CYP3A7: variants seen among roughly 807,000 people sequenced by gnomAD.
The protein encoded by CYP3A7 is cytochrome P450 family 3 subfamily A member 7, also known as cytochrome P450 3A7.
Under a neutral mutation model 55.2 loss-of-function variants are expected in CYP3A7, and 45 were observed. That is an observed-to-expected ratio of 0.82 (90% CI 0.64 to 1.05). The LOEUF is 1.05. Ranked by LOEUF, CYP3A7 falls within the 50% of genes least tolerant of loss-of-function variation. The pLI is 0.00. For synonymous variants in CYP3A7, 180 were observed against 207.4 expected (o/e 0.87, Z 1.13); for missense variants, 548 against 605.3 (o/e 0.91, Z 0.99).
At chr7:99,716,654 C>G (rs562468083) in intron 6 of CYP3A7, among the ~76,000 whole-genome samples, 1 of 152,184 alleles carries the variant, frequency 6.6e-6, no homozygotes, top group South Asian at 2.1e-4. Context: ...GCTTGCCCCA[C>G]CTATAGCGTT....
rs2151509139 is a variant in CYP3A7 at position 99,713,524 on chromosome 7, A to AT, written c.809dup (p.Asp270GlufsTer8). 1 of 1,613,412 alleles carries AT rather than the reference A, an allele frequency of 6.2e-7. No homozygotes were observed. The highest frequency in any genetic ancestry group is 8.5e-7 in the Non-Finnish European group (1 of 1,179,522). ...GAGAGTCAATCATCAGCTGAAGGAA[A>AT]TCCACTCGGTGCTAGAAGCAAAAAG... On this transcript the variant is annotated frameshift_variant, in exon 9 of 13. Coordinates refer to ENST00000336374, the MANE Select transcript of CYP3A7 (RefSeq NM_000765.5). LOFTEE classifies it high-confidence loss of function.
chr7:99,724,112 T>TA (rs1486016846), intron 2 of CYP3A7, among the ~76,000 whole-genome samples: 1 of 152,142 alleles, frequency 6.6e-6, no homozygotes, highest in Non-Finnish European at 1.5e-5. Context: ...TCCATGTCTC[T>TA]ACCTTCTCTT....
At chr7:99,718,590 A>T (rs1814063752) in intron 4 of CYP3A7, among the ~76,000 whole-genome samples, 1 of 152,198 alleles carries the variant, frequency 6.6e-6, no homozygotes, top group East Asian at 1.9e-4. Flanking sequence ...ATCATTCTTG[A>T]TGATGAAAGA....
intron 2 of CYP3A7, among the ~76,000 whole-genome samples, chr7:99,725,200 A>G (rs537790229): frequency 1.3e-5 from 2 of 152,298 alleles, no homozygotes; most frequent in African/African-American, 4.8e-5. Context: ...CCCACTTAGC[A>G]CCTACCATTA....
At chr7:99,706,030 G>A (rs1813509338) in intron 12 of CYP3A7, among the ~76,000 whole-genome samples, 1 of 152,154 alleles carries the variant, frequency 6.6e-6, no homozygotes, top group African/African-American at 2.4e-5. Flanking sequence ...TTTTAATTAT[G>A]TGGACAGTCT....
chr7:99,714,696 AAAC>A lies in CYP3A7; in HGVS notation c.671-17_671-15del. ...ATGGAAAGACTTCTGTAGAAAAAAA[AAAC>A]CAACAGAAAACGAAACCATTGTGAA... On this transcript the variant is annotated splice_polypyrimidine_tract_variant and intron_variant, in intron 7 of 12. Coordinates refer to ENST00000336374, the MANE Select transcript of CYP3A7 (RefSeq NM_000765.5). The A allele has an allele frequency of 6.2e-7, 1 of 1,609,954 alleles. No homozygotes were observed. Among genetic ancestry groups the A allele is most frequent in the Non-Finnish European group, 8.5e-7 (1 of 1,178,506 alleles).
chr7:99,710,356 A>G (rs922954205), intron 10 of CYP3A7, among the ~76,000 whole-genome samples: 2 of 152,340 alleles, frequency 1.3e-5, no homozygotes, highest in East Asian at 3.9e-4. Flanking sequence ...CAGCGCACCC[A>G]GGGCCAGGCT....
Position 99,735,132 on chromosome 7 carries a change from T to C in CYP3A7, c.-39A>G. ...CCTTATCTCTCTCCTCTGAGTCTTT[T>C]TTTCAGCAGCGTGCTGCTGTTTGCT... On this transcript the variant is annotated 5_prime_UTR_variant, in exon 1 of 13. Transcript: ENST00000336374. 1 of 1,613,192 alleles carries C rather than the reference T, an allele frequency of 6.2e-7. No individual in the cohort carries two copies. The highest frequency in any genetic ancestry group is 8.5e-7 in the Non-Finnish European group (1 of 1,179,400).
Position 99,715,801 on chromosome 7 carries a change from C to A in CYP3A7, c.627G>T (p.Lys209Asn), listed in dbSNP as rs1161448131. 3 of 1,613,854 alleles carry A rather than the reference C, an allele frequency of 1.9e-6. No individual in the cohort carries two copies. Among genetic ancestry groups the A allele is most frequent in the Admixed American group, 1.7e-5 (1 of 59,996 alleles). Residue 209 changes from lysine (K) to asparagine (N), a missense_variant, in exon 7 of 13, where the codon AAG (lysine) becomes AAT (asparagine). Lys to Asn is a moderately conservative substitution (Grantham distance 94, BLOSUM62 0). Transcript: ENST00000336374. The stretch of plus-strand genomic sequence containing the variant: ...GATCTAATGGATTAAATCTTAAAAG[C>A]TTCTTGGTGTTTTCCACAAAGGGGT... Reference protein sequence around the residue: ...PQDPFVENTKKLLRFNPLDPF... With the variant: ...PQDPFVENTKNLLRFNPLDPF...
At chr7:99,728,478 A>T (rs1814499751) in intron 2 of CYP3A7, among the ~76,000 whole-genome samples, 1 of 152,154 alleles carries the variant, frequency 6.6e-6, no homozygotes. Flanking sequence ...TGATGCCCTC[A>T]CTAAATCCCT....
Position 99,720,338 on chromosome 7 carries a change from C to T in CYP3A7, c.293G>A (p.Cys98Tyr). 1 of 1,613,456 alleles carries T rather than the reference C, an allele frequency of 6.2e-7. No individual in the cohort carries two copies. Among genetic ancestry groups the T allele is most frequent in the Non-Finnish European group, 8.5e-7 (1 of 1,179,718 alleles). ...CCTCCGGTTTGTGAAGACAGAATAA[C>T]ATTCTTTCACTAGCACTGTTTTGAT... is the stretch of plus-strand genomic sequence containing the variant. ...DMIKTVLVKE[C>Y]YSVFTNRRPF... Residue 98 changes from cysteine (C) to tyrosine (Y), a missense_variant, in exon 4 of 13, where the codon TGT becomes TAT. By Grantham distance (194) the Cys-to-Tyr change is radical. Coordinates refer to ENST00000336374, the MANE Select transcript of CYP3A7 (RefSeq NM_000765.5).
At chr7:99,707,507 T>C (rs1016185722) in intron 12 of CYP3A7, among the ~76,000 whole-genome samples, 1 of 152,232 alleles carries the variant, frequency 6.6e-6, no homozygotes, top group African/African-American at 2.4e-5. Flanking sequence ...CTCATGATTG[T>C]GCAAAATACT....
In CYP3A7 at chr7:99,728,760, G is replaced by C. The variant is rs1262352181; in HGVS notation, c.165+2299C>G. On this transcript the variant is annotated intron_variant, in intron 2 of 12. Coordinates refer to ENST00000336374, the MANE Select transcript of CYP3A7 (RefSeq NM_000765.5). ...ATTCCTCTAATCCCTCTACTTGTAGGGTTAGGACTTTCTGCTTCCACTATT... is the reference window on the plus strand; with the variant it reads ...ATTCCTCTAATCCCTCTACTTGTAGCGTTAGGACTTTCTGCTTCCACTATT... 2.6e-5 allele frequency among the ~76,000 whole-genome samples: 4 copies of C among 152,106 alleles called. No homozygotes were observed. In the South Asian group the frequency reaches 8.3e-4, roughly 32 times the overall value.
intron 2 of CYP3A7, among the ~76,000 whole-genome samples, chr7:99,723,424 A>T (rs1373656618): frequency 6.6e-6 from 1 of 151,924 alleles, no homozygotes; most frequent in African/African-American, 2.4e-5. Flanking sequence ...GCAACTTTCC[A>T]CTGCTTACCC....
intron 2 of CYP3A7, among the ~76,000 whole-genome samples, chr7:99,724,780 C>T (rs185828556): frequency 1.3e-5 from 2 of 152,236 alleles, no homozygotes; most frequent in African/African-American, 2.4e-5. Flanking sequence ...TTTTCTCTAT[C>T]GACCTCTCCC....
At chr7:99,706,930 TC>T (rs1241270144) in intron 12 of CYP3A7, among the ~76,000 whole-genome samples, 1 of 152,336 alleles carries the variant, frequency 6.6e-6, no homozygotes, top group East Asian at 1.9e-4. Flanking sequence ...GGGAAGACAT[TC>T]TTAGATAAAG....
At chr7:99,731,455 C>G (rs376835249) in intron 1 of CYP3A7, among the ~76,000 whole-genome samples, 222 of 152,284 alleles carry the variant, frequency 1.5e-3, no homozygotes, top group African/African-American at 4.9e-3. Flanking sequence ...GGTTCAGGAA[C>G]GAATTCTTCC....
intron 10 of CYP3A7, among the ~76,000 whole-genome samples, 188 bp downstream of exon 10, chr7:99,710,544 A>T (rs1282123332): frequency 6.6e-6 from 1 of 152,202 alleles, no homozygotes; most frequent in East Asian, 1.9e-4. Flanking sequence ...TTTTACAAAG[A>T]TCTTATACTT....
intron 4 of CYP3A7, among the ~76,000 whole-genome samples, chr7:99,718,329 T>C (rs375266006): frequency 2.0e-5 from 3 of 152,220 alleles, no homozygotes; most frequent in African/African-American, 7.2e-5. Flanking sequence ...AATGCGATTC[T>C]ATTAACATTC....
Sources: gnomAD v4.1 joint callset for allele counts (sites outside exome capture counted in the v4.1 genomes callset) on GRCh38, gnomAD v4.1.1 for gene constraint, MANE v1.5 for transcripts, NCBI Gene and HGNC (gene_info 2026-07-23, HGNC 2026-07-21) for gene names.